Variants in BAIAP2L1 observed in about 807,000 individuals in gnomAD.
BAIAP2L1 encodes BAR/IMD domain-containing adapter protein 2-like 1.
Under a neutral mutation model 66.3 loss-of-function variants are expected in BAIAP2L1, and 35 were observed. The ratio of observed to expected loss-of-function variants is 0.53; its 90% confidence interval spans 0.40 to 0.70. The LOEUF (loss-of-function observed/expected upper bound fraction) is 0.70, where lower values mean the gene tolerates loss of function less well. BAIAP2L1 is among the 30% of genes least tolerant of loss of function. The pLI is 0.00. For missense variants in BAIAP2L1, 622 were observed against 656.9 expected, an observed-to-expected ratio of 0.95 and a Z score of 0.58; for synonymous variants, 269 against 248.7, an observed-to-expected ratio of 1.08 and a Z score of -0.77.
Position 98,310,577 on chromosome 7 carries a change from C to T in BAIAP2L1, c.823G>A (p.Asp275Asn), listed in dbSNP as rs779175493. The change falls in exon 9 of 14, where the codon GAC (aspartate) becomes AAC (asparagine). Residue 275 changes from aspartate to asparagine, a missense_variant. Transcript: ENST00000005260. ...TTTGGTGAGCATTTAGAAAGGGTGT[C>T]GTAATCTTTCCTAACCTGTGAAAAA... The part of the protein sequence containing the change: ...ERSNVVRKDY[D>N]TLSKCSPKMP... 25 of 1,587,700 alleles carry T rather than the reference C, an allele frequency of 1.6e-5. No homozygotes were observed. Among genetic ancestry groups the T allele is most frequent in the Non-Finnish European group, 1.8e-5 (21 of 1,172,368 alleles).
chr7:98,393,646 C>T (rs1317986289), intron 1 of BAIAP2L1, among the ~76,000 whole-genome samples: 3 of 151,428 alleles, frequency 2.0e-5, no homozygotes, highest in African/African-American at 4.8e-5. Context: ...TACAGCCTCC[C>T]GCCACCGCGC....
At chr7:98,310,675 TAAATAATAGGC>T in intron 8 of BAIAP2L1, 83 bp from the exon 9 acceptor site, 2 of 983,992 alleles carry the variant, frequency 2.0e-6, no homozygotes, top group Non-Finnish European at 2.8e-6. Context: ...TTTTTTTTTT[TAAATAATAGGC>T]TATTTATTTA....
intron 1 of BAIAP2L1, among the ~76,000 whole-genome samples, chr7:98,374,923 C>T (rs1175673359): frequency 6.6e-6 from 1 of 151,418 alleles, no homozygotes; most frequent in African/African-American, 2.4e-5. Flanking sequence ...CTGTCTCTAC[C>T]AAAAATTCAA....
At chr7:98,375,325 C>G (rs539437184) in intron 1 of BAIAP2L1, among the ~76,000 whole-genome samples, 1 of 150,964 alleles carries the variant, frequency 6.6e-6, no homozygotes, top group East Asian at 1.9e-4. Context: ...ACCTGGGAGG[C>G]GGAGGTTGCA....
intron 3 of BAIAP2L1, among the ~76,000 whole-genome samples, chr7:98,339,453 G>A (rs1318414137): frequency 6.6e-6 from 1 of 152,144 alleles, no homozygotes; most frequent in Non-Finnish European, 1.5e-5. Flanking sequence ...GAGTACATAG[G>A]GAAGTGCATT....
At chr7:98,363,996 T>C (rs895609501) in intron 1 of BAIAP2L1, among the ~76,000 whole-genome samples, 7 of 151,798 alleles carry the variant, frequency 4.6e-5, no homozygotes, top group African/African-American at 1.7e-4. Flanking sequence ...TTTTTGTATT[T>C]ATTGCTGCAG....
chr7:98,311,692 G>C (rs1800877161), intron 8 of BAIAP2L1, among the ~76,000 whole-genome samples: 1 of 151,892 alleles, frequency 6.6e-6, no homozygotes. Context: ...CAGATCACGA[G>C]GTCAGGAGTT....
intron 3 of BAIAP2L1, among the ~76,000 whole-genome samples, chr7:98,353,754 G>A (rs912544075): frequency 1.3e-5 from 2 of 148,196 alleles, no homozygotes; most frequent in South Asian, 2.1e-4. Context: ...GAGGTCAGGA[G>A]TTCGAGATCA....
In BAIAP2L1 at chr7:98,385,924, T is replaced by C. The variant is rs933901935; in HGVS notation, c.51+14878A>G. 3.1e-5 allele frequency: 45 copies of C among 1,446,824 alleles called. No homozygotes were observed. The Middle Eastern group carries it at 5.6e-4, about 18-fold the overall frequency. The allele number at this position is 1,446,824 out of a possible 1,614,324, so 89.6% of individuals were successfully genotyped here. On this transcript the variant is annotated intron_variant, in intron 1 of 13. Coordinates refer to ENST00000005260, the MANE Select transcript of BAIAP2L1 (RefSeq NM_018842.5). ...CTCCATGAGCTTTCCCAATTCAAAC[T>C]TGGGCTTCTTCAGCATTTTTACTTT... is the stretch of plus-strand genomic sequence containing the variant.
At position 98,400,882 on chromosome 7, in the gene BAIAP2L1, G is replaced by C. The variant is rs910555670; in HGVS notation, c.-30C>G. 4 of 1,533,860 alleles carry C rather than the reference G, an allele frequency of 2.6e-6. No homozygotes were observed. The highest frequency in any genetic ancestry group is 3.5e-6 in the Non-Finnish European group (4 of 1,139,496). On this transcript the variant is annotated 5_prime_UTR_variant, in exon 1 of 14. Transcript: ENST00000005260. ...GCGGCCGCCGGGCGAGCAAGCGCGG[G>C]AGGACGCGGCTGGGCCTCGTGGCCG...
At chr7:98,388,274 T>C (rs1279788195) in intron 1 of BAIAP2L1, among the ~76,000 whole-genome samples, 1 of 152,200 alleles carries the variant, frequency 6.6e-6, no homozygotes, top group Non-Finnish European at 1.5e-5. Flanking sequence ...ATCAAGTACA[T>C]ACAACCATCG....
chr7:98,393,520 C>T (rs902754707), intron 1 of BAIAP2L1, among the ~76,000 whole-genome samples: 7 of 151,310 alleles, frequency 4.6e-5, no homozygotes, highest in African/African-American at 9.7e-5. Context: ...TTTTTTGAGA[C>T]GGAGTCTCCC....
intron 1 of BAIAP2L1, among the ~76,000 whole-genome samples, chr7:98,385,443 C>T (rs1258113740): frequency 2.0e-5 from 3 of 152,018 alleles, no homozygotes; most frequent in Non-Finnish European, 4.4e-5. Context: ...TCTTTTGAGA[C>T]AGGTTCTTGC....
At chr7:98,353,830 C>T (rs1431377627) in intron 3 of BAIAP2L1, among the ~76,000 whole-genome samples, 1 of 149,938 alleles carries the variant, frequency 6.7e-6, no homozygotes, top group African/African-American at 2.4e-5. Flanking sequence ...GGCGTGGTGG[C>T]GGGCATCTGT....
At chr7:98,366,286 T>C (rs75710471) in intron 1 of BAIAP2L1, among the ~76,000 whole-genome samples, 2,472 of 152,200 alleles carry the variant, frequency 0.016, 75 homozygotes, top group African/African-American at 0.057. Flanking sequence ...GCACCTCAGA[T>C]TATCCTGAGG....
intron 3 of BAIAP2L1, among the ~76,000 whole-genome samples, chr7:98,331,930 G>GT (rs1231988016): frequency 6.6e-6 from 1 of 152,168 alleles, no homozygotes. Context: ...GAATTCTTCA[G>GT]TAAAATCATC....
At chr7:98,359,571 G>A (rs921258733) in intron 2 of BAIAP2L1, among the ~76,000 whole-genome samples, 5 of 151,300 alleles carry the variant, frequency 3.3e-5, no homozygotes, top group African/African-American at 9.7e-5. Flanking sequence ...GCGCCCGGCC[G>A]ACTTGCTGTC....
chr7:98,375,757 A>G (rs942443605), intron 1 of BAIAP2L1, among the ~76,000 whole-genome samples: 3 of 151,450 alleles, frequency 2.0e-5, no homozygotes, highest in Admixed American at 6.6e-5. Flanking sequence ...AAAAAAAAAA[A>G]AAAAAGAAAA....
chr7:98,296,800 A>G (rs550862970), intron 12 of BAIAP2L1, among the ~76,000 whole-genome samples: 1 of 152,306 alleles, frequency 6.6e-6, no homozygotes, highest in East Asian at 1.9e-4. Flanking sequence ...CTCCACTGCA[A>G]AGGAGACCCA....
Sources: gnomAD v4.1 joint callset for allele counts (sites outside exome capture counted in the v4.1 genomes callset) on GRCh38, gnomAD v4.1.1 for gene constraint, MANE v1.5 for transcripts, NCBI Gene and HGNC (gene_info 2026-07-23, HGNC 2026-07-21) for gene names.